The following ZNF512 variants were observed in gnomAD, a reference collection of about 807,000 sequenced individuals.
ZNF512 encodes the protein zinc finger protein 512.
Under a neutral mutation model 77.5 loss-of-function variants are expected in ZNF512, and 25 were observed. The ratio of observed to expected loss-of-function variants is 0.32; its 90% CI spans 0.23 to 0.45. The LOEUF (loss-of-function observed/expected upper bound fraction) is 0.45. Ranked by LOEUF, ZNF512 falls within the 20% of genes least tolerant of loss-of-function variation. The pLI is 1.00. For synonymous variants in ZNF512, 246 were observed against 239.9 expected (o/e 1.03, Z -0.24); for missense variants, 483 against 692.6 (o/e 0.70, Z 3.40).
intron 10 of ZNF512, among the ~76,000 whole-genome samples, chr2:27,609,907 TAGTCCCAGCTATAGTCTC>T (rs528750616): frequency 0.011 from 1,626 of 149,042 alleles, 11 homozygotes; most frequent in South Asian, 0.031. Flanking sequence ...GACACATGTG[TAGTCCCAGCTATAGTCTC>T]AGGTACTGGG....
intron 13 of ZNF512, among the ~76,000 whole-genome samples, chr2:27,620,278 C>T (rs750402811): frequency 1.4e-4 from 22 of 152,242 alleles, no homozygotes; most frequent in Non-Finnish European, 2.8e-4. Context: ...ATTTGTTCTA[C>T]TCACATTTAA....
intron 5 of ZNF512, 93 bp from the exon 6 acceptor site, chr2:27,600,598 C>T: frequency 6.8e-7 from 1 of 1,476,986 alleles, no homozygotes; most frequent in South Asian, 1.3e-5. Flanking sequence ...AAGGAAAAAC[C>T]ATTTTATGAT....
rs191528836 is a variant in ZNF512, at chr2:27,612,698, G to A, written c.1132-2470G>A. Among the ~76,000 whole-genome samples the A allele has an allele frequency of 3.5e-3, 530 of 152,080 alleles. 3 individuals are homozygous for A. The highest frequency in any genetic ancestry group is 6.1e-3 in the Non-Finnish European group (412 of 67,972). ...TCTAGTAGTATATAAAATAGTTTCA[G>A]AATTACCAACTTATTCCCTTGTAAA... On this transcript the variant is annotated intron_variant, in intron 10 of 13. Coordinates refer to ENST00000355467, the MANE Select transcript of ZNF512 (RefSeq NM_032434.4).
intron 2 of ZNF512, among the ~76,000 whole-genome samples, chr2:27,591,599 T>C (rs1671581559): frequency 6.6e-6 from 1 of 152,146 alleles, no homozygotes; most frequent in Admixed American, 6.5e-5. Context: ...TTAGTAGAGA[T>C]GGGGTTTCAC....
chr2:27,619,202 G>A (rs1305081148), intron 13 of ZNF512, among the ~76,000 whole-genome samples: 1 of 152,208 alleles, frequency 6.6e-6, no homozygotes, highest in African/African-American at 2.4e-5. Context: ...CTGAGGTCAG[G>A]AGTTCAAGAC....
intron 10 of ZNF512, among the ~76,000 whole-genome samples, chr2:27,611,518 A>G (rs1469630222): frequency 6.6e-6 from 1 of 152,176 alleles, no homozygotes. Context: ...CTTACTGATG[A>G]TGATAATTTT....
chr2:27,607,471 G>A (rs914402324), intron 9 of ZNF512, among the ~76,000 whole-genome samples: 6 of 151,806 alleles, frequency 4.0e-5, no homozygotes, highest in Non-Finnish European at 7.4e-5. Context: ...TGGTTCAAGC[G>A]ATTCTTCTGT....
chr2:27,586,681 A>G (rs1032208831), intron 2 of ZNF512, among the ~76,000 whole-genome samples: 2 of 152,192 alleles, frequency 1.3e-5, no homozygotes, highest in African/African-American at 2.4e-5. Context: ...GCTTTGACGT[A>G]TGTCTGTACC....
rs368400673 is a variant in ZNF512 at position 27,600,023 on chromosome 2, A to G, written c.427A>G (p.Ile143Val). The G allele has an allele frequency of 3.1e-6, 5 of 1,614,094 alleles. No individual in the cohort carries two copies. Among genetic ancestry groups the G allele is most frequent in the Non-Finnish European group, 4.2e-6 (5 of 1,180,050 alleles). ...CAATCCCAAATCCCAGGCCCGTCGT[A>G]TTCGGAAGGAACCACCAGTTTATGC... is the stretch of plus-strand genomic sequence containing the variant. ...QPNPKSQARR[I>V]RKEPPVYAAG... The change falls in exon 5 of 14, where the codon ATT becomes GTT. Residue 143 changes from isoleucine to valine, a missense_variant. Physicochemically the swap from Ile to Val is conservative, Grantham distance 29. Transcript: ENST00000355467.
chr2:27,585,722 AGAAAGG>A (rs1671293703), intron 2 of ZNF512, among the ~76,000 whole-genome samples: 1 of 152,242 alleles, frequency 6.6e-6, no homozygotes, highest in Non-Finnish European at 1.5e-5. Flanking sequence ...TTGGTAGATC[AGAAAGG>A]AGTTGAAAAT....
At chr2:27,601,154 A>G (rs1672099459) in intron 6 of ZNF512, among the ~76,000 whole-genome samples, 1 of 152,258 alleles carries the variant, frequency 6.6e-6, no homozygotes, top group South Asian at 2.1e-4. Flanking sequence ...TATTTGGTTA[A>G]TGGTAATTCT....
At chr2:27,599,561 T>C in intron 3 of ZNF512, 22 bp from the exon 4 acceptor site, 1 of 1,599,306 alleles carries the variant, frequency 6.3e-7, no homozygotes, top group Non-Finnish European at 8.6e-7. Flanking sequence ...AGTTTTTGTT[T>C]TGTTTTTGTA....
intron 11 of ZNF512, among the ~76,000 whole-genome samples, chr2:27,615,933 G>A (rs1444261422): frequency 6.6e-6 from 1 of 152,114 alleles, no homozygotes; most frequent in East Asian, 1.9e-4. Context: ...TATAAAAGAA[G>A]TGGGAACACA....
chr2:27,617,787 C>T lies in ZNF512; in HGVS notation c.1395+216C>T, dbSNP rs562460443. ...GAGGGGTGGGCGGGGTGGCTTATGCCTCTAATCCCAGCACTTTGGGAGGCC... is the reference window on the plus strand; with the variant it reads ...GAGGGGTGGGCGGGGTGGCTTATGCTTCTAATCCCAGCACTTTGGGAGGCC... On this transcript the variant is annotated intron_variant, in intron 13 of 13. Coordinates refer to ENST00000355467, the MANE Select transcript of ZNF512 (RefSeq NM_032434.4). 3.9e-5 allele frequency among the ~76,000 whole-genome samples: 6 copies of T among 152,064 alleles called. No homozygotes were observed. The Middle Eastern group carries it at 0.01, about 259-fold the overall frequency.
At chr2:27,597,820 T>C (rs1671940619) in intron 2 of ZNF512, among the ~76,000 whole-genome samples, 1 of 152,248 alleles carries the variant, frequency 6.6e-6, no homozygotes, top group Non-Finnish European at 1.5e-5. Flanking sequence ...AAGGAATGTC[T>C]ACTTGGGCTG....
chr2:27,615,237 A>G lies in ZNF512; in HGVS notation c.1201A>G (p.Lys401Glu). Residue 401 changes from lysine to glutamate, a missense_variant, in exon 11 of 14, where the codon AAG (lysine) becomes GAG (glutamate). By Grantham distance (56) the Lys-to-Glu change is moderately conservative. Transcript: ENST00000355467. ...ACTACATAAATGGAAGACAGATATC[A>G]AGAAATATCATCGTATTCAGTGTCC... ...EVLHKWKTDIKKYHRIQCPNQ... is the reference protein window; with the variant it reads ...EVLHKWKTDIEKYHRIQCPNQ... 9.3e-6 allele frequency: 15 copies of G among 1,605,800 alleles called. No homozygotes were observed. Among genetic ancestry groups the G allele is most frequent in the Non-Finnish European group, 1.3e-5 (15 of 1,176,156 alleles).
Position 27,622,761 on chromosome 2 carries a change from T to TAG in ZNF512, c.*1302_*1303dup, listed in dbSNP as rs1482171575. The TAG allele has an allele frequency of 2.6e-5, 4 of 152,802 alleles. No homozygotes were observed. Among genetic ancestry groups the TAG allele is most frequent in the Non-Finnish European group, 5.9e-5 (4 of 68,032 alleles). The allele number at this position is 152,802 out of a possible 1,614,324, so 9.5% of individuals were successfully genotyped here. The stretch of plus-strand genomic sequence containing the variant: ...TGCCACATAAAAAATGAACCTGATA[T>TAG]AGACAAGTACTACCTTTTCAAATTC... On this transcript the variant is annotated 3_prime_UTR_variant, in exon 14 of 14. Transcript: ENST00000355467.
At chr2:27,583,291 T>C in intron 1 of ZNF512, 149 bp downstream of exon 1, 3 of 1,349,532 alleles carry the variant, frequency 2.2e-6, no homozygotes, top group South Asian at 2.4e-5. Flanking sequence ...TGTCCCTTTT[T>C]CTTTACCCAC....
chr2:27,586,156 T>C (rs1671314247), intron 2 of ZNF512, among the ~76,000 whole-genome samples: 1 of 152,186 alleles, frequency 6.6e-6, no homozygotes, highest in Non-Finnish European at 1.5e-5. Flanking sequence ...CATGGAGAGT[T>C]TCCTAAGAGT....
Sources: allele counts gnomAD v4.1 joint callset (sites outside exome capture counted in the v4.1 genomes callset), GRCh38; gene constraint gnomAD v4.1.1; transcripts MANE v1.5; gene names NCBI Gene and HGNC (gene_info 2026-07-23, HGNC 2026-07-21).